PTPRD: variants seen among roughly 807,000 people sequenced by gnomAD.
PTPRD encodes protein tyrosine phosphatase receptor type D, also known as receptor-type tyrosine-protein phosphatase delta.
In PTPRD, 34 loss-of-function variants were observed where a neutral mutation model predicts 214.5. That is an observed-to-expected ratio of 0.16 (90% CI 0.12 to 0.21). PTPRD has a LOEUF of 0.21. Among genes scored for constraint, PTPRD ranks in the 10% least tolerant of loss-of-function variants. PTPRD has a pLI of 1.00. For synonymous variants in PTPRD, 1,128 were observed against 845.7 expected (o/e 1.33, Z -5.79); for missense variants, 2,545 against 2,398.7 (o/e 1.06, Z -1.27).
chr9:8,742,568 GT>G (rs33990790), intron 11 of PTPRD, among the ~76,000 whole-genome samples: 11,130 of 151,952 alleles, frequency 0.073, 1,089 homozygotes, highest in African/African-American at 0.23. Flanking sequence ...TATTTTATTT[GT>G]TTTAGCCCTA....
chr9:8,930,138 G>A (rs2098941881), intron 11 of PTPRD, among the ~76,000 whole-genome samples: 1 of 148,400 alleles, frequency 6.7e-6, no homozygotes, highest in African/African-American at 2.5e-5. Context: ...AGGCCCCAGT[G>A]TGTGATGTTC....
chr9:9,661,865 C>T (rs2096628649), intron 7 of PTPRD, among the ~76,000 whole-genome samples: 2 of 151,514 alleles, frequency 1.3e-5, no homozygotes. Context: ...TTGTTTCAGC[C>T]CAGATATTAA....
intron 14 of PTPRD, among the ~76,000 whole-genome samples, chr9:8,619,890 T>C (rs2095757164): frequency 6.6e-6 from 1 of 151,988 alleles, no homozygotes; most frequent in Non-Finnish European, 1.5e-5. Context: ...ATATATGAAG[T>C]AGTAAATACA....
chr9:9,645,777 C>A (rs953588521), intron 7 of PTPRD, among the ~76,000 whole-genome samples: 17 of 151,990 alleles, frequency 1.1e-4, no homozygotes, highest in African/African-American at 4.1e-4. Context: ...TTTTAACATT[C>A]ATATCTTTAT....
chr9:8,680,234 C>T (rs576257972), intron 12 of PTPRD, among the ~76,000 whole-genome samples: 1 of 151,928 alleles, frequency 6.6e-6, no homozygotes, highest in African/African-American at 2.4e-5. Flanking sequence ...GAAGCAAAAG[C>T]GCTAACACTG....
chr9:8,778,053 G>A (rs764008898), intron 11 of PTPRD, among the ~76,000 whole-genome samples: 1 of 152,080 alleles, frequency 6.6e-6, no homozygotes, highest in Admixed American at 6.5e-5. Context: ...TTCAGATGTG[G>A]GCTCTCAGAT....
intron 4 of PTPRD, among the ~76,000 whole-genome samples, chr9:9,956,771 G>C (rs1275343059): frequency 6.6e-6 from 1 of 152,260 alleles, no homozygotes; most frequent in South Asian, 2.1e-4. Context: ...TAAATCACAA[G>C]TTAGAGAGCA....
At chr9:8,637,319 A>G (rs1451255093) in intron 12 of PTPRD, among the ~76,000 whole-genome samples, 1 of 152,194 alleles carries the variant, frequency 6.6e-6, no homozygotes, top group Non-Finnish European at 1.5e-5. Flanking sequence ...TTAAAGAGAC[A>G]AGAAATATCG....
intron 2 of PTPRD, among the ~76,000 whole-genome samples, chr9:10,464,756 T>C (rs1035826534): frequency 6.6e-6 from 1 of 152,028 alleles, no homozygotes; most frequent in Non-Finnish European, 1.5e-5. Context: ...AACCCAGAGA[T>C]AAAAGGATAT....
At chr9:9,309,987 T>A (rs891733441) in intron 9 of PTPRD, among the ~76,000 whole-genome samples, 1 of 152,100 alleles carries the variant, frequency 6.6e-6, no homozygotes, top group Admixed American at 6.6e-5. Context: ...TTTAAAATCA[T>A]GTTGTAGGGT....
At chr9:8,810,563 T>C (rs959970684) in intron 11 of PTPRD, among the ~76,000 whole-genome samples, 1 of 152,212 alleles carries the variant, frequency 6.6e-6, no homozygotes, top group Non-Finnish European at 1.5e-5. Flanking sequence ...TCAGTTTCTC[T>C]TGATTGGGCT....
At chr9:8,447,563 G>A (rs1187374025) in intron 34 of PTPRD, among the ~76,000 whole-genome samples, 1 of 152,148 alleles carries the variant, frequency 6.6e-6, no homozygotes, top group African/African-American at 2.4e-5. Flanking sequence ...AAGTCTCCTG[G>A]TTGAAGACAT....
At chr9:10,171,925 C>A (rs1442927756) in intron 3 of PTPRD, among the ~76,000 whole-genome samples, 1 of 152,044 alleles carries the variant, frequency 6.6e-6, no homozygotes, top group Non-Finnish European at 1.5e-5. Context: ...CAGAATCACT[C>A]TATTATTTAG....
intron 10 of PTPRD, among the ~76,000 whole-genome samples, chr9:9,041,274 T>C (rs1034813953): frequency 4.6e-5 from 7 of 152,092 alleles, no homozygotes; most frequent in Non-Finnish European, 8.8e-5. Flanking sequence ...GGTAAACTTG[T>C]GTCATGGGGG....
At chr9:8,953,600 C>T (rs2099115348) in intron 11 of PTPRD, among the ~76,000 whole-genome samples, 2 of 151,796 alleles carry the variant, frequency 1.3e-5, no homozygotes. Context: ...CTATGCATCT[C>T]TTCAAAGGTC....
At chr9:9,263,362 T>A (rs1447935887) in intron 9 of PTPRD, among the ~76,000 whole-genome samples, 1 of 151,700 alleles carries the variant, frequency 6.6e-6, no homozygotes, top group Non-Finnish European at 1.5e-5. Context: ...AAAACATTCA[T>A]CAAAGCACCT....
chr9:8,780,914 C>T (rs1025609904), intron 11 of PTPRD, among the ~76,000 whole-genome samples: 2 of 152,196 alleles, frequency 1.3e-5, no homozygotes, highest in African/African-American at 4.8e-5. Flanking sequence ...CTGCACATCA[C>T]AGATTTGCTA....
chr9:10,135,839 C>T (rs1173487161), intron 3 of PTPRD, among the ~76,000 whole-genome samples: 1 of 151,616 alleles, frequency 6.6e-6, no homozygotes, highest in Non-Finnish European at 1.5e-5. Flanking sequence ...CAAAAACAAC[C>T]AGCTAACACC....
chr9:9,560,848 C>CATG (rs2082738049), intron 8 of PTPRD, among the ~76,000 whole-genome samples: 1 of 152,092 alleles, frequency 6.6e-6, no homozygotes, highest in African/African-American at 2.4e-5. Context: ...GCCAGCTGCC[C>CATG]CCATGCACAG....
Sources: allele counts gnomAD v4.1 joint callset (sites outside exome capture counted in the v4.1 genomes callset), GRCh38; gene constraint gnomAD v4.1.1; transcripts MANE v1.5; gene names NCBI Gene and HGNC (gene_info 2026-07-23, HGNC 2026-07-21).